The following DPYD variants were observed in gnomAD, a reference collection of about 807,000 sequenced individuals.
DPYD encodes dihydropyrimidine dehydrogenase [NADP(+)].
In DPYD, 109 loss-of-function variants were observed where a neutral mutation model predicts 116.2. The ratio of observed to expected loss-of-function variants is 0.94; its 90% CI spans 0.80 to 1.10. The LOEUF is 1.10. DPYD is among the 50% of genes least tolerant of loss of function. DPYD has a pLI of 0.00. For synonymous variants in DPYD, 440 were observed against 432.0 expected, an observed-to-expected ratio of 1.02 and a Z score of -0.23; for missense variants, 1,302 against 1,254.5, an observed-to-expected ratio of 1.04 and a Z score of -0.57.
At chr1:97,099,002 T>C (rs1367877646) in intron 20 of DPYD, among the ~76,000 whole-genome samples, 2 of 152,172 alleles carry the variant, frequency 1.3e-5, no homozygotes, top group Admixed American at 6.6e-5. Context: ...GTGAAACCTA[T>C]TGATGCTTTT....
At chr1:97,396,569 T>C (rs1673016234) in intron 14 of DPYD, among the ~76,000 whole-genome samples, 1 of 151,948 alleles carries the variant, frequency 6.6e-6, no homozygotes, top group Admixed American at 6.6e-5. Flanking sequence ...AAAGAATGAG[T>C]GAGCAGGAAC....
intron 3 of DPYD, among the ~76,000 whole-genome samples, chr1:97,805,576 C>T (rs1209333851): frequency 4.6e-5 from 7 of 151,676 alleles, no homozygotes; most frequent in Admixed American, 6.6e-5. Flanking sequence ...ACCTTCTAGG[C>T]ATAATGTAGT....
chr1:97,686,432 C>A (rs1398325272), intron 7 of DPYD, among the ~76,000 whole-genome samples: 1 of 151,226 alleles, frequency 6.6e-6, no homozygotes, highest in Non-Finnish European at 1.5e-5. Context: ...GTCAGGAGAT[C>A]GAGACCATCC....
chr1:97,836,948 A>C (rs962300691), intron 2 of DPYD, among the ~76,000 whole-genome samples: 4 of 152,154 alleles, frequency 2.6e-5, no homozygotes, highest in Admixed American at 2.6e-4. Context: ...ATGATCATTT[A>C]TCTTTAAAAG....
intron 20 of DPYD, among the ~76,000 whole-genome samples, chr1:97,103,512 T>C (rs1650908416): frequency 6.6e-6 from 1 of 152,138 alleles, no homozygotes; most frequent in Admixed American, 6.6e-5. Flanking sequence ...ACACTGGCAT[T>C]GGACATGTAA....
At chr1:97,718,762 A>G (rs1431912681) in intron 5 of DPYD, among the ~76,000 whole-genome samples, 1 of 151,604 alleles carries the variant, frequency 6.6e-6, no homozygotes, top group Admixed American at 6.6e-5. Context: ...TGCTTTTCCA[A>G]CAATTCATTA....
intron 3 of DPYD, among the ~76,000 whole-genome samples, chr1:97,773,927 C>T (rs910116550): frequency 1.3e-5 from 2 of 152,212 alleles, no homozygotes; most frequent in Non-Finnish European, 2.9e-5. Context: ...AGAAGCCCCT[C>T]TGTCCTTGTG....
chr1:97,259,158 G>C (rs190161889), intron 18 of DPYD, among the ~76,000 whole-genome samples: 3 of 152,100 alleles, frequency 2.0e-5, no homozygotes, highest in Admixed American at 1.3e-4. Context: ...GCCATGCATG[G>C]TATCTCCAGT....
chr1:97,086,763 A>G (rs1649549602), intron 21 of DPYD, among the ~76,000 whole-genome samples: 2 of 152,218 alleles, frequency 1.3e-5, no homozygotes, highest in South Asian at 4.1e-4. Context: ...AATAAAAAAA[A>G]AATCATAAGA....
At chr1:97,323,415 C>CGT (rs1668466604) in intron 16 of DPYD, among the ~76,000 whole-genome samples, 1 of 85,864 alleles carries the variant, frequency 1.2e-5, no homozygotes, top group South Asian at 3.0e-4. Context: ...TATATGTACA[C>CGT]GTATATATAC....
chr1:97,255,791 T>C (rs1212219250), intron 18 of DPYD, among the ~76,000 whole-genome samples: 1 of 151,562 alleles, frequency 6.6e-6, no homozygotes, highest in Non-Finnish European at 1.5e-5. Flanking sequence ...GGCACCAGGA[T>C]TTTACCCCAA....
intron 17 of DPYD, among the ~76,000 whole-genome samples, 196 bp downstream of exon 17, chr1:97,305,981 A>T (rs1667135324): frequency 6.6e-6 from 1 of 151,954 alleles, no homozygotes; most frequent in African/African-American, 2.4e-5. Context: ...TCCAGATCAA[A>T]ATTCATGGTC....
intron 8 of DPYD, among the ~76,000 whole-genome samples, chr1:97,602,019 A>G (rs1655278070): frequency 6.6e-6 from 1 of 152,034 alleles, no homozygotes; most frequent in Admixed American, 6.5e-5. Context: ...GAGAATAACA[A>G]GAACATTTTT....
intron 19 of DPYD, among the ~76,000 whole-genome samples, chr1:97,233,309 G>A (rs370467889): frequency 2.6e-5 from 4 of 152,052 alleles, no homozygotes; most frequent in Admixed American, 6.6e-5. Context: ...ATTACCACAC[G>A]GTGATGATGA....
intron 19 of DPYD, among the ~76,000 whole-genome samples, chr1:97,203,021 AG>A (rs957170021): frequency 6.6e-6 from 1 of 152,130 alleles, no homozygotes; most frequent in Non-Finnish European, 1.5e-5. Flanking sequence ...TCTACACACC[AG>A]GATCCTATGC....
At chr1:97,746,488 G>C (rs994253308) in intron 3 of DPYD, among the ~76,000 whole-genome samples, 1 of 151,976 alleles carries the variant, frequency 6.6e-6, no homozygotes, top group African/African-American at 2.4e-5. Context: ...AACAAAGCTT[G>C]TCCTATTTTA....
chr1:97,788,089 T>C (rs1667134790), intron 3 of DPYD, among the ~76,000 whole-genome samples: 1 of 152,128 alleles, frequency 6.6e-6, no homozygotes, highest in South Asian at 2.1e-4. Context: ...CATGAAGATA[T>C]ATAGAGAGCT....
intron 16 of DPYD, among the ~76,000 whole-genome samples, chr1:97,317,085 G>C (rs1446233670): frequency 1.3e-5 from 2 of 151,876 alleles, no homozygotes; most frequent in Admixed American, 1.3e-4. Context: ...TTTCAGAATA[G>C]TTTATTCTTT....
chr1:97,563,379 A>G (rs2102142025), intron 11 of DPYD, among the ~76,000 whole-genome samples: 1 of 152,316 alleles, frequency 6.6e-6, no homozygotes, highest in East Asian at 1.9e-4. Flanking sequence ...TATTACATTA[A>G]ATACATCTAT....
Sources: allele counts gnomAD v4.1 joint callset (sites outside exome capture counted in the v4.1 genomes callset), GRCh38; gene constraint gnomAD v4.1.1; transcripts MANE v1.5; gene names NCBI Gene and HGNC (gene_info 2026-07-23, HGNC 2026-07-21).